The following CTNNA3 variants were observed in gnomAD, a reference collection of about 807,000 sequenced individuals.
The protein encoded by CTNNA3 is catenin alpha 3, also known as catenin alpha-3.
CTNNA3 carries 76 observed loss-of-function variants against 95.7 expected under a neutral mutation model. The observed-to-expected ratio is 0.79, with a 90% CI of 0.66 to 0.96. The LOEUF is 0.96. Among genes scored for constraint, CTNNA3 ranks in the 40% least tolerant of loss-of-function variants. The pLI is 0.00. For missense variants in CTNNA3, 1,191 were observed against 1,089.8 expected, an observed-to-expected ratio of 1.09 and a Z score of -1.31; for synonymous variants, 431 against 374.4, an observed-to-expected ratio of 1.15 and a Z score of -1.74.
chr10:67,626,869 C>G (rs1024497483), intron 2 of CTNNA3, among the ~76,000 whole-genome samples: 3 of 152,116 alleles, frequency 2.0e-5, no homozygotes, highest in Non-Finnish European at 4.4e-5. Context: ...AATTATATAA[C>G]TAGCCCAAAA....
At chr10:66,956,760 G>T (rs1185160990) in intron 7 of CTNNA3, among the ~76,000 whole-genome samples, 1 of 152,168 alleles carries the variant, frequency 6.6e-6, no homozygotes, top group Non-Finnish European at 1.5e-5. Context: ...GATTTCAACT[G>T]AATTTGGCAA....
intron 7 of CTNNA3, among the ~76,000 whole-genome samples, chr10:66,782,543 C>G (rs903229796): frequency 3.3e-5 from 5 of 152,130 alleles, no homozygotes; most frequent in African/African-American, 9.7e-5. Context: ...TCATTAATCT[C>G]TTCATATATT....
chr10:66,260,862 A>G lies in CTNNA3; in HGVS notation c.1884+19608T>C, dbSNP rs1457128742. Among the ~76,000 whole-genome samples the G allele has an allele frequency of 2.6e-5, 4 of 152,110 alleles. No homozygotes were observed. The East Asian group carries it at 7.7e-4, about 29-fold the overall frequency. ...CATATTCAGAAACTCTAGATCTGAC[A>G]TAGAGATCATTTCACCTTCCTGATT... On this transcript the variant is annotated intron_variant, in intron 13 of 17. Coordinates refer to ENST00000433211, the MANE Select transcript of CTNNA3 (RefSeq NM_013266.4).
intron 13 of CTNNA3, among the ~76,000 whole-genome samples, chr10:66,220,805 C>T (rs1029203061): frequency 6.6e-6 from 1 of 152,140 alleles, no homozygotes. Context: ...CTGCTTCTCA[C>T]CAACATCAAG....
At chr10:66,303,627 G>C (rs1174105073) in intron 12 of CTNNA3, among the ~76,000 whole-genome samples, 1 of 152,064 alleles carries the variant, frequency 6.6e-6, no homozygotes, top group Non-Finnish European at 1.5e-5. Context: ...TCTTAAATGA[G>C]AAAGGCAAAT....
intron 2 of CTNNA3, among the ~76,000 whole-genome samples, chr10:67,616,564 A>G (rs1306792789): frequency 1.3e-5 from 2 of 152,222 alleles, no homozygotes; most frequent in Non-Finnish European, 2.9e-5. Context: ...CAGATTGAAT[A>G]TGGGTTATGA....
At chr10:67,448,604 T>C (rs1846846108) in intron 5 of CTNNA3, among the ~76,000 whole-genome samples, 2 of 151,678 alleles carry the variant, frequency 1.3e-5, no homozygotes. Context: ...TTTGGGATAA[T>C]TGATTATGTA....
intron 12 of CTNNA3, among the ~76,000 whole-genome samples, chr10:66,356,866 C>A (rs2092615016): frequency 6.6e-6 from 1 of 151,904 alleles, no homozygotes; most frequent in African/African-American, 2.4e-5. Context: ...TTGATATAAT[C>A]ATTTGATTTT....
intron 10 of CTNNA3, among the ~76,000 whole-genome samples, chr10:66,579,769 C>A (rs929115005): frequency 6.6e-6 from 1 of 151,672 alleles, no homozygotes; most frequent in Non-Finnish European, 1.5e-5. Flanking sequence ...CCTGAGTTGA[C>A]AAAATTTTTT....
At chr10:65,948,413 T>A (rs2077558234) in intron 17 of CTNNA3, among the ~76,000 whole-genome samples, 3 of 152,158 alleles carry the variant, frequency 2.0e-5, no homozygotes. Context: ...GATCACTTTT[T>A]AAAAAACACT....
intron 17 of CTNNA3, among the ~76,000 whole-genome samples, chr10:65,952,249 A>G (rs1172016052): frequency 6.6e-6 from 1 of 152,174 alleles, no homozygotes; most frequent in African/African-American, 2.4e-5. Flanking sequence ...TGCAATACAA[A>G]AGAAAAAAAG....
At chr10:66,010,837 T>C (rs1010981838) in intron 15 of CTNNA3, among the ~76,000 whole-genome samples, 6 of 152,240 alleles carry the variant, frequency 3.9e-5, no homozygotes, top group Non-Finnish European at 8.8e-5. Flanking sequence ...TCAAGTCATA[T>C]GCATTGCAAG....
At chr10:65,993,364 C>T (rs1483221859) in intron 15 of CTNNA3, among the ~76,000 whole-genome samples, 2 of 152,158 alleles carry the variant, frequency 1.3e-5, no homozygotes, top group African/African-American at 2.4e-5. Flanking sequence ...ACTATTATTG[C>T]ATTGGAGTAC....
intron 15 of CTNNA3, among the ~76,000 whole-genome samples, chr10:66,003,908 C>T (rs543569015): frequency 6.6e-6 from 1 of 152,316 alleles, no homozygotes; most frequent in African/African-American, 2.4e-5. Flanking sequence ...CCATTCACAG[C>T]ATGGACATGC....
intron 7 of CTNNA3, among the ~76,000 whole-genome samples, chr10:66,857,582 T>C (rs7893368): frequency 0.58 from 88,689 of 151,798 alleles, 26,990 homozygotes; most frequent in African/African-American, 0.64. Context: ...CTTTGATTTC[T>C]TTAATAAGTG....
intron 7 of CTNNA3, among the ~76,000 whole-genome samples, chr10:66,780,303 C>A (rs1265987369): frequency 6.6e-6 from 1 of 151,960 alleles, no homozygotes; most frequent in Non-Finnish European, 1.5e-5. Context: ...GAAATAGAAG[C>A]ATTAAATGGT....
chr10:67,596,514 T>G (rs1415441523), intron 3 of CTNNA3, among the ~76,000 whole-genome samples: 1 of 152,248 alleles, frequency 6.6e-6, no homozygotes, highest in African/African-American at 2.4e-5. Context: ...TCTCCTTTGC[T>G]TATGAAGCTT....
At chr10:66,918,150 C>T (rs935055480) in intron 7 of CTNNA3, among the ~76,000 whole-genome samples, 1 of 152,120 alleles carries the variant, frequency 6.6e-6, no homozygotes, top group Admixed American at 6.5e-5. Flanking sequence ...TTTTGTGCCT[C>T]AGTTAGATGA....
chr10:65,921,691 A>G (rs919952784), intron 17 of CTNNA3, among the ~76,000 whole-genome samples: 2 of 152,180 alleles, frequency 1.3e-5, no homozygotes, highest in Non-Finnish European at 2.9e-5. Flanking sequence ...CTGCCATGCC[A>G]ACTGCTTCTT....
Sources: gnomAD v4.1 joint callset for allele counts (sites outside exome capture counted in the v4.1 genomes callset) on GRCh38, gnomAD v4.1.1 for gene constraint, MANE v1.5 for transcripts, NCBI Gene and HGNC (gene_info 2026-07-23, HGNC 2026-07-21) for gene names.